The following DCDC2C variants were observed in gnomAD, a reference collection of about 807,000 sequenced individuals.
The protein encoded by DCDC2C is doublecortin domain containing 2C, also known as doublecortin domain-containing protein 2C.
Under a neutral mutation model 45.0 loss-of-function variants are expected in DCDC2C, and 44 were observed. The ratio of observed to expected loss-of-function variants is 0.98; its 90% CI spans 0.77 to 1.26. DCDC2C has a LOEUF of 1.26. Among genes scored for constraint, DCDC2C ranks in the 50% most tolerant of loss-of-function variants. The pLI is 0.00. For synonymous variants in DCDC2C, 187 were observed against 178.8 expected, an observed-to-expected ratio of 1.05 and a Z score of -0.37; for missense variants, 447 against 468.9, an observed-to-expected ratio of 0.95 and a Z score of 0.43.
chr2:3,774,953 C>T (rs1482989325), intron 8 of DCDC2C, among the ~76,000 whole-genome samples: 4 of 152,104 alleles, frequency 2.6e-5, no homozygotes, highest in East Asian at 1.9e-4. Flanking sequence ...TTAGTAGAGA[C>T]GGTGTTTCAC....
At chr2:3,746,060 G>A (rs138874324) in intron 4 of DCDC2C, among the ~76,000 whole-genome samples, 22 of 152,204 alleles carry the variant, frequency 1.4e-4, no homozygotes, top group Non-Finnish European at 2.5e-4. Flanking sequence ...TGCTGATCTC[G>A]GTTGGAAAAA....
chr2:3,770,708 G>A (rs1270334397), intron 8 of DCDC2C, among the ~76,000 whole-genome samples: 1 of 152,218 alleles, frequency 6.6e-6, no homozygotes, highest in Non-Finnish European at 1.5e-5. Flanking sequence ...CTGGGTTGTA[G>A]ACTGTGTGTC....
intron 10 of DCDC2C, among the ~76,000 whole-genome samples, chr2:3,832,001 T>C (rs1029555531): frequency 2.0e-5 from 3 of 152,194 alleles, no homozygotes; most frequent in Admixed American, 2.0e-4. Context: ...GGAATCAGTG[T>C]CTCCTGGCAT....
intron 3 of DCDC2C, among the ~76,000 whole-genome samples, chr2:3,740,615 T>C (rs1241237528): frequency 6.6e-6 from 1 of 152,240 alleles, no homozygotes; most frequent in Non-Finnish European, 1.5e-5. Context: ...GAAAACATTG[T>C]AGCAAATCTT....
intron 5 of DCDC2C, among the ~76,000 whole-genome samples, chr2:3,753,214 T>C (rs1214066243): frequency 6.6e-6 from 1 of 152,234 alleles, no homozygotes; most frequent in Non-Finnish European, 1.5e-5. Flanking sequence ...CAGTTATGCC[T>C]GCCTGTGATG....
At chr2:3,846,607 A>G (rs1429671078) in intron 10 of DCDC2C, among the ~76,000 whole-genome samples, 2 of 152,234 alleles carry the variant, frequency 1.3e-5, no homozygotes, top group Admixed American at 6.5e-5. Context: ...CTTAATGGAT[A>G]CATAATTTAA....
At chr2:3,759,619 G>T (rs1452891208) in intron 6 of DCDC2C, among the ~76,000 whole-genome samples, 1 of 152,204 alleles carries the variant, frequency 6.6e-6, no homozygotes, top group Non-Finnish European at 1.5e-5. Context: ...TCTGCAGGAG[G>T]AGGAAGCAGG....
intron 9 of DCDC2C, among the ~76,000 whole-genome samples, chr2:3,783,532 C>T (rs928563199): frequency 9.2e-5 from 14 of 152,282 alleles, no homozygotes; most frequent in African/African-American, 3.4e-4. Context: ...TGTACGTCTA[C>T]TGTCTCTTCT....
At position 3,703,577 on chromosome 2, in the gene DCDC2C, C is replaced by CCCCGT; in HGVS notation, c.-166_-162dup. On this transcript the variant is annotated 5_prime_UTR_variant, in exon 1 of 11. Transcript: ENST00000399143. The surrounding 1 kb of genome is among the most constrained non-coding windows in gnomAD (Gnocchi z 4.4). ...CACGCAGCCTCCGCCCGCCTGGCAG[C>CCCCGT]CCCGTCCCGTCCCCGTCCAGCCCCC... is the stretch of plus-strand genomic sequence containing the variant. The CCCCGT allele has an allele frequency of 1.7e-6, 1 of 592,790 alleles. No individual in the cohort carries two copies. The highest frequency in any genetic ancestry group is 2.3e-6 in the Non-Finnish European group (1 of 427,952). 36.7% of individuals were successfully genotyped at this position (592,790 alleles called of 1,614,324 possible).
At chr2:3,714,055 C>T (rs1339403626) in intron 2 of DCDC2C, among the ~76,000 whole-genome samples, 6 of 152,130 alleles carry the variant, frequency 3.9e-5, no homozygotes, top group Admixed American at 3.9e-4. Context: ...TACAGTAATA[C>T]AGAGCAGAAA....
intron 6 of DCDC2C, among the ~76,000 whole-genome samples, chr2:3,765,627 AC>A (rs1669991825): frequency 6.6e-6 from 1 of 152,140 alleles, no homozygotes; most frequent in African/African-American, 2.4e-5. Context: ...GGCATTATTC[AC>A]CTGTTCAGTT....
At chr2:3,787,164 G>A (rs1318903950) in intron 10 of DCDC2C, among the ~76,000 whole-genome samples, 1 of 152,172 alleles carries the variant, frequency 6.6e-6, no homozygotes, top group African/African-American at 2.4e-5. Flanking sequence ...AATAATATCT[G>A]GTTTGAATGT....
chr2:3,723,771 A>G (rs993174955), intron 2 of DCDC2C, among the ~76,000 whole-genome samples: 8 of 152,178 alleles, frequency 5.3e-5, no homozygotes, highest in African/African-American at 1.7e-4. Flanking sequence ...CGCAGATGGC[A>G]TAAAGGATGA....
At chr2:3,802,029 A>G (rs768038765) in intron 10 of DCDC2C, among the ~76,000 whole-genome samples, 1 of 152,212 alleles carries the variant, frequency 6.6e-6, no homozygotes, top group Non-Finnish European at 1.5e-5. Flanking sequence ...TGGAAATGCT[A>G]TGTGAGATCA....
chr2:3,707,452 C>G (rs1668093281), intron 1 of DCDC2C, among the ~76,000 whole-genome samples: 1 of 152,130 alleles, frequency 6.6e-6, no homozygotes, highest in African/African-American at 2.4e-5. Context: ...ATACAAGGGC[C>G]TCTAAGCAAG....
chr2:3,749,618 G>A (rs1669479427), intron 4 of DCDC2C, among the ~76,000 whole-genome samples: 1 of 152,180 alleles, frequency 6.6e-6, no homozygotes, highest in South Asian at 2.1e-4. Flanking sequence ...TGAGTTTAGG[G>A]AAGAGTCCGA....
At chr2:3,804,878 A>T (rs116114770) in intron 10 of DCDC2C, among the ~76,000 whole-genome samples, 1 of 152,310 alleles carries the variant, frequency 6.6e-6, no homozygotes, top group African/African-American at 2.4e-5. Flanking sequence ...CCTTCTATTG[A>T]ATTATTGGTG....
chr2:3,727,157 G>A, intron 3 of DCDC2C, 78 bp downstream of exon 3: 1 of 1,173,798 alleles, frequency 8.5e-7, no homozygotes, highest in East Asian at 2.7e-5. Context: ...CCTGACAAAT[G>A]CCCCTCAGCC....
chr2:3,792,089 A>T (rs1257223223), intron 10 of DCDC2C, among the ~76,000 whole-genome samples: 2 of 152,214 alleles, frequency 1.3e-5, no homozygotes. Flanking sequence ...ATCTGCTATG[A>T]CATAGACAAA....
Sources: allele counts gnomAD v4.1 joint callset (sites outside exome capture counted in the v4.1 genomes callset), GRCh38; gene constraint gnomAD v4.1.1; non-coding constraint Gnocchi (gnomAD v3.1); transcripts MANE v1.5; gene names NCBI Gene and HGNC (gene_info 2026-07-23, HGNC 2026-07-21).